The following MYPN variants were observed in gnomAD, a reference collection of about 807,000 sequenced individuals.
MYPN encodes the protein myopalladin, also known as sarcomeric protein myopalladin, 145 kDa (MYOP).
Under a neutral mutation model 129.4 loss-of-function variants are expected in MYPN, and 63 were observed. The ratio of observed to expected loss-of-function variants is 0.49; its 90% confidence interval spans 0.40 to 0.60. The LOEUF (loss-of-function observed/expected upper bound fraction) is 0.60. Ranked by LOEUF, MYPN falls within the 20% of genes least tolerant of loss-of-function variation. MYPN has a pLI of 0.00. For synonymous variants in MYPN, 629 were observed against 600.9 expected (o/e 1.05, Z -0.68); for missense variants, 1,596 against 1,635.4 (o/e 0.98, Z 0.42).
chr10:68,122,211 C>T lies in MYPN; in HGVS notation c.773C>T (p.Ser258Phe). ...GDTTPGSSPSSLYYEEPLGQP... is the reference protein window; with the variant it reads ...GDTTPGSSPSFLYYEEPLGQP... ...ACTACACCAGGGTCTTCCCCTTCAT[C>T]TCTGTACTATGAAGAACCTCTGGGG... Residue 258 changes from serine to phenylalanine, a missense_variant, in exon 2 of 20, where the codon TCT becomes TTT. Ser to Phe is a radical substitution (Grantham distance 155, BLOSUM62 -2). Coordinates refer to ENST00000358913, the MANE Select transcript of MYPN (RefSeq NM_032578.4). The T allele has an allele frequency of 6.2e-7, 1 of 1,610,726 alleles. No homozygotes were observed. The highest frequency in any genetic ancestry group is 8.5e-7 in the Non-Finnish European group (1 of 1,178,466).
At chr10:68,194,216 A>T in intron 13 of MYPN, 147 bp from the exon 14 acceptor site, 1 of 699,704 alleles carries the variant, frequency 1.4e-6, no homozygotes, top group Non-Finnish European at 2.4e-6. Context: ...AGCCATTTTT[A>T]ATATGTTTTA....
At chr10:68,190,836 T>TA (rs770501202) in intron 13 of MYPN, among the ~76,000 whole-genome samples, 59 of 152,342 alleles carry the variant, frequency 3.9e-4, no homozygotes, top group Middle Eastern at 3.4e-3. Context: ...ACTTAAGTCT[T>TA]TAATGTATTT....
chr10:68,129,004 C>CT (rs1238808614), intron 2 of MYPN, among the ~76,000 whole-genome samples: 255 of 147,390 alleles, frequency 1.7e-3, no homozygotes, highest in African/African-American at 2.1e-3. Context: ...CTCTCTCTCT[C>CT]TTTTTTTTTT....
At chr10:68,151,233 A>AT (rs1299863947) in intron 6 of MYPN, among the ~76,000 whole-genome samples, 1 of 152,234 alleles carries the variant, frequency 6.6e-6, no homozygotes, top group Admixed American at 6.5e-5. Context: ...CATCCATTTC[A>AT]TGGGAGCTCT....
intron 17 of MYPN, among the ~76,000 whole-genome samples, chr10:68,200,999 T>G (rs934867996): frequency 2.6e-5 from 4 of 152,212 alleles, no homozygotes; most frequent in Non-Finnish European, 5.9e-5. Context: ...TACCTAAATT[T>G]GTCCTGGCCA....
intron 1 of MYPN, chr10:68,114,337 TTTTTTTTTTC>T (rs1369270979): frequency 1.3e-4 from 19 of 141,526 alleles, no homozygotes; most frequent in African/African-American, 4.0e-4. Flanking sequence ...CCTGACTCTC[TTTTTTTTTTC>T]TTTTTTTTTT....
chr10:68,178,712 CA>C (rs5785847), intron 12 of MYPN, among the ~76,000 whole-genome samples: 3,141 of 125,146 alleles, frequency 0.025, 55 homozygotes, highest in East Asian at 0.099. Flanking sequence ...GACTCTGCCT[CA>C]AAAAAAAAAA....
At chr10:68,145,613 A>C (rs1228254439) in intron 4 of MYPN, 87 bp downstream of exon 4, 14 of 1,117,274 alleles carry the variant, frequency 1.3e-5, no homozygotes, top group Admixed American at 3.4e-5. Context: ...ACTAGAACTT[A>C]AGAAGGGTGG....
intron 6 of MYPN, among the ~76,000 whole-genome samples, chr10:68,157,001 A>G (rs1446736947): frequency 3.3e-5 from 5 of 152,230 alleles, no homozygotes; most frequent in South Asian, 2.1e-4. Flanking sequence ...AGTGCCAACT[A>G]CAGAAAAGAA....
chr10:68,197,942 C>T (rs1279643780), intron 16 of MYPN, among the ~76,000 whole-genome samples: 2 of 151,930 alleles, frequency 1.3e-5, no homozygotes, highest in Non-Finnish European at 2.9e-5. Flanking sequence ...GTGATTCATA[C>T]CCATGGGTAG....
At chr10:68,159,939 AACATACGTATTACCTC>A (rs1453426601) in intron 7 of MYPN, among the ~76,000 whole-genome samples, 2 of 152,222 alleles carry the variant, frequency 1.3e-5, no homozygotes, top group Non-Finnish European at 1.5e-5. Flanking sequence ...TGAGCTAATG[AACATACGTATTACCTC>A]ACACACATCA....
At chr10:68,097,267 C>T (rs116604955) in intron 1 of MYPN, among the ~76,000 whole-genome samples, 89 of 152,224 alleles carry the variant, frequency 5.8e-4, no homozygotes, top group African/African-American at 2.1e-3. Context: ...AACTCATCAC[C>T]CTTGGCACTA....
intron 2 of MYPN, among the ~76,000 whole-genome samples, chr10:68,128,957 A>C (rs897736080): frequency 6.6e-6 from 1 of 152,086 alleles, no homozygotes; most frequent in Non-Finnish European, 1.5e-5. Context: ...GTTTGAGATA[A>C]GCATAGAGAG....
chr10:68,199,313 C>G (rs2043667180), intron 16 of MYPN, 55 bp from the exon 17 acceptor site: 2 of 1,549,562 alleles, frequency 1.3e-6, no homozygotes, highest in Admixed American at 1.7e-5. Flanking sequence ...ATTCAGCCAT[C>G]AAATAAATGT....
At chr10:68,166,919 G>A (rs2043064985) in intron 10 of MYPN, among the ~76,000 whole-genome samples, 1 of 151,924 alleles carries the variant, frequency 6.6e-6, no homozygotes, top group Non-Finnish European at 1.5e-5. Flanking sequence ...CACACCTATA[G>A]TCCTAGCTAC....
chr10:68,109,815 TTGAAA>T (rs1174176252), intron 1 of MYPN, 92 bp downstream of exon 1: 2 of 378,736 alleles, frequency 5.3e-6, no homozygotes, highest in Non-Finnish European at 1.0e-5. Flanking sequence ...TTACTGTTAC[TTGAAA>T]TGAAACCTAG....
intron 2 of MYPN, among the ~76,000 whole-genome samples, chr10:68,129,013 T>G (rs1383042993): frequency 6.6e-6 from 1 of 152,026 alleles, no homozygotes; most frequent in African/African-American, 2.4e-5. Context: ...TCTTTTTTTT[T>G]TAATGTGCCT....
intron 12 of MYPN, among the ~76,000 whole-genome samples, chr10:68,183,203 G>A (rs1181524801): frequency 2.6e-5 from 4 of 152,212 alleles, no homozygotes; most frequent in African/African-American, 9.6e-5. Flanking sequence ...ACTCACGCCT[G>A]TAATCCCAGA....
chr10:68,112,508 T>A (rs909615661), intron 1 of MYPN, among the ~76,000 whole-genome samples: 1 of 152,204 alleles, frequency 6.6e-6, no homozygotes, highest in African/African-American at 2.4e-5. Flanking sequence ...TATCTAAAAG[T>A]CTTCATTACT....
Sources: gnomAD v4.1 joint callset for allele counts (sites outside exome capture counted in the v4.1 genomes callset) on GRCh38, gnomAD v4.1.1 for gene constraint, MANE v1.5 for transcripts, NCBI Gene and HGNC (gene_info 2026-07-23, HGNC 2026-07-21) for gene names.